ZNF664: variants seen among roughly 807,000 people sequenced by gnomAD.
ZNF664 encodes zinc finger Organ of Corti 1.
A neutral mutation model predicts 18.2 loss-of-function variants in ZNF664; 10 were observed. The ratio of observed to expected loss-of-function variants is 0.55; its 90% CI spans 0.34 to 0.93. ZNF664 has a LOEUF of 0.93. Ranked by LOEUF, ZNF664 falls within the 40% of genes least tolerant of loss-of-function variation. The pLI is 0.02. For synonymous variants in ZNF664, 119 were observed against 104.2 expected (o/e 1.14, Z -0.86); for missense variants, 193 against 319.0 (o/e 0.61, Z 3.01).
chr12:123,994,463 CAA>C (rs1956924514), intron 3 of ZNF664, among the ~76,000 whole-genome samples: 2 of 152,080 alleles, frequency 1.3e-5, no homozygotes, highest in African/African-American at 4.8e-5. Flanking sequence ...TTTTCTGAAA[CAA>C]AACATTTAGT....
Position 124,007,686 on chromosome 12 carries a change from G to A in ZNF664, c.-660-3695G>A, listed in dbSNP as rs932891049. Among the ~76,000 whole-genome samples, 4 of 152,172 alleles carry A rather than the reference G, an allele frequency of 2.6e-5. No individual in the cohort carries two copies. The East Asian group carries it at 7.7e-4, about 29-fold the overall frequency. On this transcript the variant is annotated intron_variant, in intron 3 of 4. Transcript: ENST00000337815. ...AGAAGAGCAGGAAAGGAATATCTTAGCATTCACAGATTTTTTTTTTTAACC... is the reference window on the plus strand; with the variant it reads ...AGAAGAGCAGGAAAGGAATATCTTAACATTCACAGATTTTTTTTTTTAACC...
chr12:123,974,780 G>A lies in ZNF664; in HGVS notation c.-757+760G>A, dbSNP rs567936921. ...TCAATGTTAGCATGTAATGCTTCAAGTCATTTTTTAACAACTGCTGCACCA... is the reference window on the plus strand; with the variant it reads ...TCAATGTTAGCATGTAATGCTTCAAATCATTTTTTAACAACTGCTGCACCA... On this transcript the variant is annotated intron_variant, in intron 2 of 4. Transcript: ENST00000337815. Among the ~76,000 whole-genome samples, 4 of 152,294 alleles carry A rather than the reference G, an allele frequency of 2.6e-5. 1 individual carries two copies. The highest frequency in any genetic ancestry group is 9.6e-5 in the African/African-American group (4 of 41,552).
intron 3 of ZNF664, among the ~76,000 whole-genome samples, chr12:124,005,591 T>C (rs1289913937): frequency 6.6e-6 from 1 of 151,762 alleles, no homozygotes; most frequent in Non-Finnish European, 1.5e-5. Context: ...AAAGTAGTGT[T>C]AGGTGACATG....
At chr12:123,984,084 A>G (rs148215123) in intron 2 of ZNF664, among the ~76,000 whole-genome samples, 1 of 152,352 alleles carries the variant, frequency 6.6e-6, no homozygotes, top group East Asian at 1.9e-4. Flanking sequence ...ACTCCTAGCA[A>G]AGCTTTCTTT....
At position 124,014,778 on chromosome 12, in the gene ZNF664, T is replaced by A. The variant is rs925306743; in HGVS notation, c.*1848T>A. The A allele has an allele frequency of 6.0e-6, 1 of 166,490 alleles. No homozygotes were observed. The highest frequency in any genetic ancestry group is 1.5e-5 in the Non-Finnish European group (1 of 68,114). The allele number at this position is 166,490 out of a possible 1,614,324, so 10.3% of individuals were successfully genotyped here. ...TTTGTATAACTAAAACCTCAGCGCA[T>A]AAAGGAGATTTAAAAGGAGCACATG... is the stretch of plus-strand genomic sequence containing the variant. On this transcript the variant is annotated 3_prime_UTR_variant, in exon 5 of 5. Transcript: ENST00000337815.
chr12:123,995,040 A>G (rs1276303063), intron 3 of ZNF664, among the ~76,000 whole-genome samples: 1 of 152,228 alleles, frequency 6.6e-6, no homozygotes, highest in African/African-American at 2.4e-5. Flanking sequence ...TACTATTTGC[A>G]TACTCAGTAA....
At position 123,973,283 on chromosome 12, in the gene ZNF664, G is replaced by A; in HGVS notation, c.-961G>A. 6 of 1,007,322 alleles carry A rather than the reference G, an allele frequency of 6.0e-6. No individual in the cohort carries two copies. Among genetic ancestry groups the A allele is most frequent in the Non-Finnish European group, 7.1e-6 (6 of 847,746 alleles). 62.4% of individuals were successfully genotyped at this position (1,007,322 alleles called of 1,614,324 possible). Reference sequence around the variant, plus strand: ...GCGCGGCTCGGAGGCGCACCTGTGAGGTGTCCCTGAGGAGAGGGAGGTGGG... The same window carrying A: ...GCGCGGCTCGGAGGCGCACCTGTGAAGTGTCCCTGAGGAGAGGGAGGTGGG... On this transcript the variant is annotated 5_prime_UTR_variant, in exon 1 of 5. Coordinates refer to ENST00000337815, the MANE Select transcript of ZNF664 (RefSeq NM_152437.3).
chr12:124,000,693 G>A (rs1382184057), intron 3 of ZNF664, among the ~76,000 whole-genome samples: 1 of 152,150 alleles, frequency 6.6e-6, no homozygotes, highest in Non-Finnish European at 1.5e-5. Flanking sequence ...CTGCTCTGTT[G>A]TGTAACAGCA....
intron 1 of ZNF664, 185 bp downstream of exon 1, chr12:123,973,537 CG>C: frequency 2.7e-6 from 1 of 372,670 alleles, no homozygotes; most frequent in Non-Finnish European, 3.7e-6. Context: ...CGCAGCCTGG[CG>C]GGTCCCGGGC....
At chr12:123,989,380 C>G (rs76837283) in intron 3 of ZNF664, 6,289 of 152,446 alleles carry the variant, frequency 0.041, 403 homozygotes, top group African/African-American at 0.13. Context: ...TTCTCTCTCT[C>G]TTTCTGGCTG....
At chr12:123,987,095 A>T (rs892743899) in intron 2 of ZNF664, among the ~76,000 whole-genome samples, 6 of 152,236 alleles carry the variant, frequency 3.9e-5, no homozygotes, top group Non-Finnish European at 8.8e-5. Context: ...GCAACTTCAG[A>T]TAGCTATTAG....
chr12:123,995,467 G>C lies in ZNF664; in HGVS notation c.-661+7329G>C, dbSNP rs543480272. On this transcript the variant is annotated intron_variant, in intron 3 of 4. Transcript: ENST00000337815. ...GCTGATAACGCTGCTCCATGGCTCA[G>C]TTTTGGGAATCAAATTTCCAGAGCC... is the stretch of plus-strand genomic sequence containing the variant. Among the ~76,000 whole-genome samples the C allele has an allele frequency of 3.2e-4, 48 of 152,320 alleles. 1 individual carries two copies. In the South Asian group the frequency reaches 9.5e-3, roughly 30 times the overall value.
intron 3 of ZNF664, among the ~76,000 whole-genome samples, chr12:123,994,989 G>C (rs1050757068): frequency 1.3e-5 from 2 of 152,154 alleles, no homozygotes; most frequent in African/African-American, 4.8e-5. Context: ...ATAACTAGGG[G>C]GCAAAGAACA....
In ZNF664 at chr12:123,973,288, C is replaced by G; in HGVS notation, c.-956C>G. 1 of 988,694 alleles carries G rather than the reference C, an allele frequency of 1.0e-6. No homozygotes were observed. 61.2% of individuals were successfully genotyped at this position (988,694 alleles called of 1,614,324 possible). A position where few individuals can be genotyped will look rare whatever the true frequency, so the allele number is the denominator to read the frequency against. ...GCTCGGAGGCGCACCTGTGAGGTGT[C>G]CCTGAGGAGAGGGAGGTGGGTGCGC... On this transcript the variant is annotated 5_prime_UTR_variant, in exon 1 of 5. Transcript: ENST00000337815.
In ZNF664 at chr12:123,973,938, C is replaced by G; in HGVS notation, c.-839C>G. The G allele has an allele frequency of 1.6e-6, 2 of 1,231,922 alleles. No individual in the cohort carries two copies. Among genetic ancestry groups the G allele is most frequent in the Non-Finnish European group, 2.0e-6 (2 of 988,090 alleles). 76.3% of individuals were successfully genotyped at this position (1,231,922 alleles called of 1,614,324 possible). ...AGCATCCCGCTCAGGTGATGAGGAA[C>G]CCCTCGCGCACCCAGCGCAGAAGGC... On this transcript the variant is annotated 5_prime_UTR_variant, in exon 2 of 5. Coordinates refer to ENST00000337815, the MANE Select transcript of ZNF664 (RefSeq NM_152437.3).
Position 124,012,405 on chromosome 12 carries a change from T to G in ZNF664, c.261T>G (p.Tyr87Ter). 6.2e-7 allele frequency: 1 copy of G among 1,614,238 alleles called. No individual in the cohort carries two copies. The highest frequency in any genetic ancestry group is 8.5e-7 in the Non-Finnish European group (1 of 1,180,044). ...AAATCCACACAGTGGAGAAGCCCTA[T>G]AAATGTTACGAGTGTGGCAAAGCCT... ...HKKIHTVEKP[Y>*]KCYECGKAFN... Residue 87 changes from tyrosine (Y) to a stop codon, truncating the protein, a stop_gained, in exon 5 of 5, where the codon TAT becomes TAG. Transcript: ENST00000337815. LOFTEE classifies it high-confidence loss of function.
At chr12:123,990,786 A>T (rs911675264) in intron 3 of ZNF664, among the ~76,000 whole-genome samples, 1 of 152,248 alleles carries the variant, frequency 6.6e-6, no homozygotes, top group African/African-American at 2.4e-5. Context: ...GGGAAGGATA[A>T]GGAAGAGGCA....
Position 124,012,291 on chromosome 12 carries a change from T to C in ZNF664, c.147T>C (p.His49=), listed in dbSNP as rs144690940. The C allele has an allele frequency of 6.2e-7, 1 of 1,614,106 alleles. No individual in the cohort carries two copies. The highest frequency in any genetic ancestry group is 1.3e-5 in the African/African-American group (1 of 74,934). The change falls in exon 5 of 5, where the codon CAT becomes CAC. Residue 49 remains histidine (H), a synonymous_variant. Coordinates refer to ENST00000337815, the MANE Select transcript of ZNF664 (RefSeq NM_152437.3). Reference sequence around the variant, plus strand: ...TTCATATATCAGAACTTCATATTCATTGGAGAGACCATACAGGAGAGAAGG... The same window carrying C: ...TTCATATATCAGAACTTCATATTCACTGGAGAGACCATACAGGAGAGAAGG... ...GFFHISELHI[H]WRDHTGEKVY...
intron 3 of ZNF664, among the ~76,000 whole-genome samples, chr12:123,994,584 A>C (rs1223463210): frequency 6.6e-6 from 1 of 152,226 alleles, no homozygotes; most frequent in Non-Finnish European, 1.5e-5. Flanking sequence ...TTTTGGTTGA[A>C]GTAGATGAAG....
Sources: gnomAD v4.1 joint callset for allele counts (sites outside exome capture counted in the v4.1 genomes callset) on GRCh38, gnomAD v4.1.1 for gene constraint, MANE v1.5 for transcripts, NCBI Gene and HGNC (gene_info 2026-07-23, HGNC 2026-07-21) for gene names.